Variants in CENPC observed in about 807,000 individuals in gnomAD.
The protein encoded by CENPC is CENP-C 1.
A neutral mutation model predicts 112.1 loss-of-function variants in CENPC; 63 were observed. That is an observed-to-expected ratio of 0.56 (90% CI 0.46 to 0.69). The LOEUF (loss-of-function observed/expected upper bound fraction) is 0.69, where lower values mean the gene tolerates loss of function less well. Ranked by LOEUF, CENPC falls within the 30% of genes least tolerant of loss-of-function variation. The probability of loss-of-function intolerance (pLI) is 0.00; values close to 1 mark genes in which losing one functional copy is unlikely to be tolerated. For missense variants in CENPC, 1,000 were observed against 1,103.8 expected, an observed-to-expected ratio of 0.91 and a Z score of 1.33; for synonymous variants, 333 against 367.6, an observed-to-expected ratio of 0.91 and a Z score of 1.08.
chr4:67,543,554 G>C (rs1381097590), intron 2 of CENPC, among the ~76,000 whole-genome samples: 2 of 152,080 alleles, frequency 1.3e-5, no homozygotes, highest in African/African-American at 4.8e-5. Flanking sequence ...TTTCACAAAT[G>C]TACATATACA....
chr4:67,529,922 T>C (rs1412634368), intron 5 of CENPC, among the ~76,000 whole-genome samples: 4 of 152,136 alleles, frequency 2.6e-5, no homozygotes, highest in Non-Finnish European at 5.9e-5. Context: ...CAAAAGTATG[T>C]TGAATGTTAT....
intron 14 of CENPC, chr4:67,493,365 G>A (rs1227702378): frequency 6.0e-6 from 1 of 167,024 alleles, no homozygotes; most frequent in Non-Finnish European, 1.3e-5. Flanking sequence ...AAAGAAATAT[G>A]GCCAGGCACA....
chr4:67,485,183 T>C (rs1725062407), intron 17 of CENPC, among the ~76,000 whole-genome samples: 1 of 152,120 alleles, frequency 6.6e-6, no homozygotes, highest in African/African-American at 2.4e-5. Context: ...CTACTCAATC[T>C]GATTGAAGAA....
chr4:67,468,982 T>G lies in CENPC; in HGVS notation c.*3623A>C, dbSNP rs1724581566. ...ATTACAGAGATGAAGAACAAATTAG[T>G]GATGATGAAACAGTTCTATGTTGAT... On this transcript the variant is annotated 3_prime_UTR_variant, in exon 19 of 19. Transcript: ENST00000273853. The G allele has an allele frequency of 6.6e-6, 1 of 152,182 alleles. No homozygotes were observed. The highest frequency in any genetic ancestry group is 6.5e-5 in the Admixed American group (1 of 15,284). The allele number at this position is 152,182 out of a possible 1,614,324, so 9.4% of individuals were successfully genotyped here.
In CENPC at chr4:67,540,988, T is replaced by C; in HGVS notation, c.128A>G (p.Glu43Gly). Reference protein sequence around the residue: ...NVLEILQDCFEEKSLANDFST... With the variant: ...NVLEILQDCFGEKSLANDFST... ...TTGAAATGAAGCCTTACTTTTTTCT[T>C]CAAAACAGTCTTGTAAGATTTCCAG... The change falls in exon 3 of 19, where the codon GAA becomes GGA. Residue 43 changes from glutamate (E) to glycine (G), a missense_variant. Transcript: ENST00000273853. 6.2e-7 allele frequency: 1 copy of C among 1,606,386 alleles called. No homozygotes were observed. The highest frequency in any genetic ancestry group is 8.5e-7 in the Non-Finnish European group (1 of 1,175,818).
intron 12 of CENPC, among the ~76,000 whole-genome samples, chr4:67,504,382 C>A (rs1018903951): frequency 1.3e-5 from 2 of 151,116 alleles, no homozygotes; most frequent in Admixed American, 6.6e-5. Context: ...AATCTAATGA[C>A]GGGGGAAAAA....
chr4:67,514,775 A>C, intron 7 of CENPC, 88 bp from the exon 8 acceptor site: 2 of 1,328,128 alleles, frequency 1.5e-6, no homozygotes, highest in Non-Finnish European at 2.0e-6. Context: ...AATAAAATCT[A>C]AATTTCTTTT....
intron 17 of CENPC, among the ~76,000 whole-genome samples, chr4:67,475,686 C>G (rs6841742): frequency 0.63 from 95,187 of 152,032 alleles, 30,033 homozygotes; most frequent in East Asian, 0.81. Flanking sequence ...GCAAGCTCCG[C>G]CTCCAGGGTT....
At chr4:67,507,350 T>C (rs1725764125) in intron 10 of CENPC, among the ~76,000 whole-genome samples, 1 of 152,188 alleles carries the variant, frequency 6.6e-6, no homozygotes, top group Admixed American at 6.5e-5. Context: ...ATCTCTTTGG[T>C]AGTTAGTTTA....
At chr4:67,477,141 A>C (rs564981223) in intron 17 of CENPC, among the ~76,000 whole-genome samples, 1 of 152,262 alleles carries the variant, frequency 6.6e-6, no homozygotes, top group Non-Finnish European at 1.5e-5. Flanking sequence ...GAGAAACCTG[A>C]ATACTTACCC....
chr4:67,522,111 C>T (rs1348603116), intron 5 of CENPC, among the ~76,000 whole-genome samples: 1 of 152,132 alleles, frequency 6.6e-6, no homozygotes, highest in African/African-American at 2.4e-5. Context: ...TTTTAAAATA[C>T]ACTTCTTTAA....
At position 67,508,947 on chromosome 4, in the gene CENPC, C is replaced by T; in HGVS notation, c.1771G>A (p.Val591Ile). 1 of 1,613,616 alleles carries T rather than the reference C, an allele frequency of 6.2e-7. No homozygotes were observed. Among genetic ancestry groups the T allele is most frequent in the Non-Finnish European group, 8.5e-7 (1 of 1,179,706 alleles). The part of the protein sequence containing the change: ...QKTATKGNQR[V>I]QKFLNAEGSG... ...CCTTCAGCATTTAAAAACTTCTGTACTCTTTGGTTGCCTTTAGTTGCTGTC... is the reference window on the plus strand; with the variant it reads ...CCTTCAGCATTTAAAAACTTCTGTATTCTTTGGTTGCCTTTAGTTGCTGTC... The change falls in exon 10 of 19, where the codon GTA becomes ATA. Residue 591 changes from valine to isoleucine, a missense_variant. Coordinates refer to ENST00000273853, the MANE Select transcript of CENPC (RefSeq NM_001812.4).
At chr4:67,526,990 T>C (rs984443541) in intron 5 of CENPC, among the ~76,000 whole-genome samples, 3 of 152,106 alleles carry the variant, frequency 2.0e-5, no homozygotes, top group Non-Finnish European at 4.4e-5. Context: ...AAAGATAATA[T>C]GAAATTACCA....
At position 67,545,415 on chromosome 4, in the gene CENPC, T is replaced by C; in HGVS notation, c.-60A>G. 1 of 1,448,024 alleles carries C rather than the reference T, an allele frequency of 6.9e-7. No individual in the cohort carries two copies. The highest frequency in any genetic ancestry group is 2.8e-5 in the East Asian group (1 of 35,152). 89.7% of individuals were successfully genotyped at this position (1,448,024 alleles called of 1,614,324 possible). On this transcript the variant is annotated 5_prime_UTR_variant, in exon 1 of 19. Coordinates refer to ENST00000273853, the MANE Select transcript of CENPC (RefSeq NM_001812.4). ...GGTGGAAGCCCACACGGACCACAGCTCCAGGAAGCCGAGCAAGAAACGAAT... is the reference window on the plus strand; with the variant it reads ...GGTGGAAGCCCACACGGACCACAGCCCCAGGAAGCCGAGCAAGAAACGAAT...
intron 12 of CENPC, among the ~76,000 whole-genome samples, chr4:67,502,022 A>C (rs1725603909): frequency 6.6e-6 from 1 of 152,200 alleles, no homozygotes; most frequent in Non-Finnish European, 1.5e-5. Context: ...ATGGAAGAAA[A>C]CAGGTTATCT....
chr4:67,544,973 A>G (rs919264661), intron 1 of CENPC, among the ~76,000 whole-genome samples: 1 of 151,972 alleles, frequency 6.6e-6, no homozygotes, highest in Non-Finnish European at 1.5e-5. Context: ...TAGGAACTGG[A>G]GCTAGACTAA....
intron 8 of CENPC, among the ~76,000 whole-genome samples, chr4:67,513,737 T>C (rs1000619156): frequency 1.3e-5 from 2 of 152,142 alleles, no homozygotes; most frequent in South Asian, 2.1e-4. Context: ...CTATAAAAAA[T>C]AGTCCCACGG....
At chr4:67,524,762 A>G (rs1439001067) in intron 5 of CENPC, among the ~76,000 whole-genome samples, 1 of 152,208 alleles carries the variant, frequency 6.6e-6, no homozygotes, top group African/African-American at 2.4e-5. Context: ...GTGCAAAGTA[A>G]TTTATAAATT....
At position 67,519,346 on chromosome 4, in the gene CENPC, A is replaced by C. The variant is rs1425536293; in HGVS notation, c.488T>G (p.Leu163Trp). 1 of 1,613,090 alleles carries C rather than the reference A, an allele frequency of 6.2e-7. No homozygotes were observed. Among genetic ancestry groups the C allele is most frequent in the Non-Finnish European group, 8.5e-7 (1 of 1,179,462 alleles). ...YLSVGSPSVLLDAKTSVSQNV... is the reference protein window; with the variant it reads ...YLSVGSPSVLWDAKTSVSQNV... ...TTGTGATACAGATGTTTTTGCATCC[A>C]AAAGAACAGAAGGTGAGCCAACGGA... The change falls in exon 6 of 19, where the codon TTG becomes TGG. Residue 163 changes from leucine to tryptophan, a missense_variant. By Grantham distance (61) the Leu-to-Trp change is moderately conservative. Transcript: ENST00000273853.
Sources: allele counts gnomAD v4.1 joint callset (sites outside exome capture counted in the v4.1 genomes callset), GRCh38; gene constraint gnomAD v4.1.1; transcripts MANE v1.5; gene names NCBI Gene and HGNC (gene_info 2026-07-23, HGNC 2026-07-21).